TNPO1: variants seen among roughly 807,000 people sequenced by gnomAD.
TNPO1 encodes the protein transportin 1.
TNPO1 carries 8 observed loss-of-function variants against 119.5 expected under a neutral mutation model. The ratio of observed to expected loss-of-function variants is 0.07; its 90% CI spans 0.04 to 0.12. TNPO1 has a LOEUF of 0.12. TNPO1 is among the 10% of genes least tolerant of loss of function. The pLI is 1.00. For missense variants in TNPO1, 576 were observed against 1,089.8 expected (o/e 0.53, Z 6.64); for synonymous variants, 362 against 363.0 (o/e 1.00, Z 0.03).
chr5:72,867,485 TAAG>T (rs911101216), intron 6 of TNPO1, among the ~76,000 whole-genome samples: 9 of 152,192 alleles, frequency 5.9e-5, no homozygotes, highest in African/African-American at 2.2e-4. Context: ...AATTTAAAAA[TAAG>T]AACCATTTTA....
chr5:72,816,724 C>T lies in TNPO1; in HGVS notation c.-14C>T, dbSNP rs1743705747. The stretch of plus-strand genomic sequence containing the variant: ...CCGCTTCGGCCGAAGGCCCGAGCGC[C>T]CGAGGCGTCTGGGATGGTGTGGGAC... On this transcript the variant is annotated 5_prime_UTR_variant, in exon 1 of 25. Coordinates refer to ENST00000337273, the MANE Select transcript of TNPO1 (RefSeq NM_002270.4). The T allele has an allele frequency of 6.3e-7, 1 of 1,575,620 alleles. No individual in the cohort carries two copies. Among genetic ancestry groups the T allele is most frequent in the African/African-American group, 1.4e-5 (1 of 72,282 alleles).
At chr5:72,817,036 G>T in intron 1 of TNPO1, 1 of 471,774 alleles carries the variant, frequency 2.1e-6, no homozygotes, top group Admixed American at 4.0e-5. Flanking sequence ...GGGGCGGGAA[G>T]GGAAGGGTCT....
At chr5:72,898,525 T>C (rs975665877) in intron 20 of TNPO1, among the ~76,000 whole-genome samples, 1 of 152,140 alleles carries the variant, frequency 6.6e-6, no homozygotes, top group Non-Finnish European at 1.5e-5. Flanking sequence ...GTTTTCTTTA[T>C]TTCTTACCCA....
At chr5:72,903,638 G>T (rs1054756521) in intron 22 of TNPO1, 71 bp from the exon 23 acceptor site, 4 of 979,490 alleles carry the variant, frequency 4.1e-6, no homozygotes, top group Non-Finnish European at 4.7e-6. Flanking sequence ...AAACTCTGAG[G>T]TTTACATATA....
rs1750545703 is a variant in TNPO1, at chr5:72,911,262, C to G, written c.*2589C>G. ...CACCTGTCTCATTAAAAATTAGTTTCCAGTTAGGCAGATGAATAACACTAT... is the reference window on the plus strand; with the variant it reads ...CACCTGTCTCATTAAAAATTAGTTTGCAGTTAGGCAGATGAATAACACTAT... On this transcript the variant is annotated 3_prime_UTR_variant, in exon 25 of 25. Transcript: ENST00000337273. 6.6e-6 allele frequency: 1 copy of G among 151,822 alleles called. No homozygotes were observed. The highest frequency in any genetic ancestry group is 1.5e-5 in the Non-Finnish European group (1 of 67,884). 9.4% of individuals were successfully genotyped at this position (151,822 alleles called of 1,614,324 possible). A position where few individuals can be genotyped will look rare whatever the true frequency, so the allele number is the denominator to read the frequency against.
At chr5:72,834,175 A>G (rs1044317918) in intron 1 of TNPO1, among the ~76,000 whole-genome samples, 1 of 152,222 alleles carries the variant, frequency 6.6e-6, no homozygotes, top group African/African-American at 2.4e-5. Context: ...TGCCAGTTAT[A>G]TAAAAATATA....
intron 1 of TNPO1, among the ~76,000 whole-genome samples, chr5:72,833,229 T>TTA (rs1326530961): frequency 9.9e-5 from 15 of 152,102 alleles, no homozygotes; most frequent in African/African-American, 3.4e-4. Flanking sequence ...TACCACATGA[T>TTA]TATATATATT....
rs771245032 is a variant in TNPO1 at position 72,816,689 on chromosome 5, G to A, written c.-49G>A. 30 of 1,541,504 alleles carry A rather than the reference G, an allele frequency of 1.9e-5. No homozygotes were observed. The African/African-American group carries it at 4.1e-4, about 21-fold the overall frequency. On this transcript the variant is annotated 5_prime_UTR_variant, in exon 1 of 25. Transcript: ENST00000337273. ...CCGCAGCCATTTCAGGCCCCGGACA[G>A]GAGGCAGTGCCGCTTCGGCCGAAGG...
intron 6 of TNPO1, among the ~76,000 whole-genome samples, chr5:72,868,449 A>AC (rs1747109197): frequency 6.7e-6 from 1 of 148,830 alleles, no homozygotes; most frequent in Non-Finnish European, 1.5e-5. Context: ...AAAAAAAAAA[A>AC]AAAAAAAAAA....
intron 24 of TNPO1, among the ~76,000 whole-genome samples, chr5:72,906,040 A>G (rs888052398): frequency 1.3e-5 from 2 of 152,168 alleles, no homozygotes; most frequent in Admixed American, 6.5e-5. Flanking sequence ...ATTTCTCAAC[A>G]TTGCTTCAAC....
chr5:72,904,902 G>GT (rs1345793306), intron 23 of TNPO1, among the ~76,000 whole-genome samples: 1 of 152,204 alleles, frequency 6.6e-6, no homozygotes, highest in Admixed American at 6.5e-5. Flanking sequence ...CACTGTCATG[G>GT]TGGAAGGTGA....
chr5:72,896,162 A>T (rs891690809), intron 18 of TNPO1, among the ~76,000 whole-genome samples: 1 of 152,056 alleles, frequency 6.6e-6, no homozygotes, highest in Non-Finnish European at 1.5e-5. Flanking sequence ...TTTTAGTGGT[A>T]TGTAAAATAT....
At chr5:72,848,052 A>C in intron 1 of TNPO1, 1 of 1,053,220 alleles carries the variant, frequency 9.5e-7, no homozygotes, top group East Asian at 8.1e-5. Context: ...GGTTGGAGAA[A>C]ACTGCGTGGC....
intron 21 of TNPO1, among the ~76,000 whole-genome samples, chr5:72,900,564 G>A (rs773464961): frequency 2.6e-5 from 4 of 152,076 alleles, no homozygotes; most frequent in Admixed American, 6.6e-5. Flanking sequence ...TTATATTGTG[G>A]CACTATATCC....
At chr5:72,849,978 A>C (rs1745424045) in intron 2 of TNPO1, among the ~76,000 whole-genome samples, 2 of 152,306 alleles carry the variant, frequency 1.3e-5, no homozygotes, top group African/African-American at 4.8e-5. Flanking sequence ...ATAAATGCTT[A>C]GTACCGTGCT....
chr5:72,846,198 G>T (rs908868711), intron 1 of TNPO1, among the ~76,000 whole-genome samples: 9 of 152,136 alleles, frequency 5.9e-5, no homozygotes, highest in Admixed American at 5.9e-4. Flanking sequence ...ATTATGTAGG[G>T]ACATTGGTAC....
At chr5:72,875,538 G>A in intron 7 of TNPO1, 77 bp from the exon 8 acceptor site, 1 of 1,511,274 alleles carries the variant, frequency 6.6e-7, no homozygotes. Context: ...TTCTTTAAAT[G>A]TCACCAACTT....
chr5:72,817,018 C>A, intron 1 of TNPO1: 1 of 468,320 alleles, frequency 2.1e-6, no homozygotes, highest in South Asian at 3.6e-5. Flanking sequence ...GGCAGGAGCC[C>A]GTTACAAGGG....
intron 11 of TNPO1, among the ~76,000 whole-genome samples, chr5:72,884,769 T>C (rs1162907790): frequency 6.6e-6 from 1 of 152,084 alleles, no homozygotes; most frequent in Admixed American, 6.6e-5. Flanking sequence ...TTTTTCTACA[T>C]GTGAATGCCA....
Sources: gnomAD v4.1 joint callset for allele counts (sites outside exome capture counted in the v4.1 genomes callset) on GRCh38, gnomAD v4.1.1 for gene constraint, MANE v1.5 for transcripts, NCBI Gene and HGNC (gene_info 2026-07-23, HGNC 2026-07-21) for gene names.